The following AKT1 variants were observed in gnomAD, a reference collection of about 807,000 sequenced individuals.
AKT1 encodes RAC-alpha serine/threonine-protein kinase.
AKT1 carries 21 observed loss-of-function variants against 63.1 expected under a neutral mutation model. That is an observed-to-expected ratio of 0.33 (90% CI 0.24 to 0.48). AKT1 has a LOEUF of 0.48. Ranked by LOEUF, AKT1 falls within the 20% of genes least tolerant of loss-of-function variation. The pLI, the probability that AKT1 is intolerant of heterozygous loss-of-function variation, is 0.99. For missense variants in AKT1, 382 were observed against 666.0 expected (o/e 0.57, Z 4.69); for synonymous variants, 257 against 253.1 (o/e 1.02, Z -0.15).
intron 3 of AKT1, among the ~76,000 whole-genome samples, chr14:104,785,482 G>A (rs1566823580): frequency 1.3e-5 from 2 of 152,186 alleles, no homozygotes; most frequent in African/African-American, 2.4e-5. Context: ...ACAAGGAGAG[G>A]TGTCTGTTCC....
chr14:104,781,273 T>A (rs1309963105), intron 3 of AKT1, among the ~76,000 whole-genome samples: 2 of 151,512 alleles, frequency 1.3e-5, no homozygotes, highest in African/African-American at 4.9e-5. Flanking sequence ...GGGGTTGGGG[T>A]CCCTGAGCTC....
intron 3 of AKT1, among the ~76,000 whole-genome samples, chr14:104,786,020 C>T (rs368515140): frequency 9.2e-5 from 14 of 152,172 alleles, no homozygotes; most frequent in African/African-American, 2.2e-4. Flanking sequence ...CCCCTCGGGC[C>T]GGCAAAGGCA....
chr14:104,772,290 G>C, intron 13 of AKT1, 75 bp downstream of exon 13: 1 of 1,501,096 alleles, frequency 6.7e-7, no homozygotes, highest in African/African-American at 1.4e-5. Context: ...AATCTGGCGA[G>C]CGTGCCACGT....
chr14:104,790,016 CAGG>C (rs1893543835), intron 3 of AKT1, among the ~76,000 whole-genome samples: 1 of 152,228 alleles, frequency 6.6e-6, no homozygotes, highest in Non-Finnish European at 1.5e-5. Flanking sequence ...TCCCAAGGAG[CAGG>C]AGAAGGAGCC....
rs1290946978 is a variant in AKT1, at chr14:104,795,138, G to A, written c.-258+346C>T. 1 of 151,958 alleles carries A rather than the reference G, an allele frequency of 6.6e-6. No homozygotes were observed. Among genetic ancestry groups the A allele is most frequent in the Non-Finnish European group, 1.5e-5 (1 of 67,938 alleles). The allele number at this position is 151,958 out of a possible 1,614,324, so 9.4% of individuals were successfully genotyped here. A position where few individuals can be genotyped will look rare whatever the true frequency, so the allele number is the denominator to read the frequency against. ...GCTGCCTCGCTGGCCCAGCGCCCGG[G>A]GAGCCCCACGGCCCGCAGGGGCACC... On this transcript the variant is annotated intron_variant, in intron 1 of 14. Coordinates refer to ENST00000649815, the MANE Select transcript of AKT1 (RefSeq NM_001382430.1). The surrounding 1 kb of genome is among the most constrained non-coding windows in gnomAD (Gnocchi z 5.1).
intron 3 of AKT1, among the ~76,000 whole-genome samples, chr14:104,788,192 A>G (rs1163221890): frequency 6.6e-6 from 1 of 152,062 alleles, no homozygotes; most frequent in Non-Finnish European, 1.5e-5. Context: ...CGGGTCTCAC[A>G]CTGAAGCCAC....
chr14:104,772,577 G>A (rs911805870), intron 12 of AKT1, 125 bp from the exon 13 acceptor site: 25 of 957,054 alleles, frequency 2.6e-5, no homozygotes, highest in East Asian at 5.2e-5. Context: ...GAGGGGAGCC[G>A]GTGGTGCAGC....
rs1197117739 is a variant in AKT1 at position 104,769,925 on chromosome 14, G to A, written c.*416C>T. ...TCTGGTGCCACCAGGTTGAACTGAG[G>A]CCCAGGGCCCCAGAGAGATGACAGA... On this transcript the variant is annotated 3_prime_UTR_variant, in exon 15 of 15. Transcript: ENST00000649815. The A allele has an allele frequency of 2.5e-6, 1 of 402,442 alleles. No homozygotes were observed. Among genetic ancestry groups the A allele is most frequent in the Non-Finnish European group, 4.6e-6 (1 of 217,064 alleles). The allele number at this position is 402,442 out of a possible 1,614,324, so 24.9% of individuals were successfully genotyped here. A position where few individuals can be genotyped will look rare whatever the true frequency, so the allele number is the denominator to read the frequency against.
At chr14:104,783,141 A>G (rs1893153037) in intron 3 of AKT1, among the ~76,000 whole-genome samples, 1 of 152,046 alleles carries the variant, frequency 6.6e-6, no homozygotes. Context: ...GGAGGGTGGG[A>G]GCACAGACAC....
intron 3 of AKT1, among the ~76,000 whole-genome samples, chr14:104,780,696 G>A (rs1892982138): frequency 6.6e-6 from 1 of 151,598 alleles, no homozygotes; most frequent in African/African-American, 2.4e-5. Flanking sequence ...GGCTTGTGTG[G>A]GCTGCCCAGC....
chr14:104,790,298 G>A lies in AKT1; in HGVS notation c.46+2300C>T, dbSNP rs61995961. Among the ~76,000 whole-genome samples, 495 of 152,286 alleles carry A rather than the reference G, an allele frequency of 3.3e-3. 1 individual carries two copies. The highest frequency in any genetic ancestry group is 3.6e-3 in the Non-Finnish European group (247 of 68,006). ...AGGCTGGGGGGGAGTGGAACAGGGCGTCTGCAAGGGGCTGCGGCCGGGCCT... is the reference window on the plus strand; with the variant it reads ...AGGCTGGGGGGGAGTGGAACAGGGCATCTGCAAGGGGCTGCGGCCGGGCCT... On this transcript the variant is annotated intron_variant, in intron 3 of 14. Transcript: ENST00000649815.
At chr14:104,774,855 A>G in intron 8 of AKT1, 83 bp downstream of exon 8, 1 of 1,460,032 alleles carries the variant, frequency 6.8e-7, no homozygotes, top group Non-Finnish European at 9.3e-7. Context: ...GTGCCCAAGA[A>G]GACAGGACAT....
chr14:104,779,613 C>CA (rs1363489167), intron 4 of AKT1, among the ~76,000 whole-genome samples: 2 of 152,168 alleles, frequency 1.3e-5, no homozygotes, highest in South Asian at 2.1e-4. Context: ...CCTTGGGACT[C>CA]GGCCCAGAGA....
chr14:104,774,867 G>A (rs1453216591), intron 8 of AKT1, 71 bp downstream of exon 8: 43 of 1,506,804 alleles, frequency 2.9e-5, no homozygotes, highest in Middle Eastern at 2.2e-4. Flanking sequence ...ACAGGACATC[G>A]TCCCCTAGAG....
chr14:104,769,555 G>C lies in AKT1; in HGVS notation c.*786C>G, dbSNP rs762049014. ...TGGGGCGACAGCGGAAAGGTTAAGC[G>C]TCGAAAAGGTCAAGTGCTACCGTGG... On this transcript the variant is annotated 3_prime_UTR_variant, in exon 15 of 15. Coordinates refer to ENST00000649815, the MANE Select transcript of AKT1 (RefSeq NM_001382430.1). 1.9e-6 allele frequency: 1 copy of C among 533,840 alleles called. No individual in the cohort carries two copies. Among genetic ancestry groups the C allele is most frequent in the South Asian group, 1.5e-5 (1 of 65,118 alleles). The allele number at this position is 533,840 out of a possible 1,614,324, so 33.1% of individuals were successfully genotyped here.
chr14:104,783,927 G>C (rs1022643869), intron 3 of AKT1, among the ~76,000 whole-genome samples: 1 of 152,222 alleles, frequency 6.6e-6, no homozygotes, highest in African/African-American at 2.4e-5. Context: ...AGTCCGGATG[G>C]GGGACCCCAC....
At chr14:104,774,060 T>TTGATACCACGTCGCC in intron 8 of AKT1, 80 bp from the exon 9 acceptor site, 2 of 1,371,492 alleles carry the variant, frequency 1.5e-6, no homozygotes, top group Admixed American at 1.9e-5. Context: ...ACCACGCTGC[T>TTGATACCACGTCGCC]TGATACCACG....
chr14:104,780,253 T>A (rs2140950521), intron 3 of AKT1, 37 bp from the exon 4 acceptor site: 1 of 1,606,296 alleles, frequency 6.2e-7, no homozygotes, highest in South Asian at 1.1e-5. Context: ...ACGCACACTC[T>A]ACCCGTCAGA....
chr14:104,773,702 G>A (rs1490893532), intron 9 of AKT1, 122 bp from the exon 10 acceptor site: 3 of 1,416,976 alleles, frequency 2.1e-6, no homozygotes, highest in Non-Finnish European at 2.9e-6. Context: ...CCACCAGAGG[G>A]CACGGGGGCC....
Sources: allele counts gnomAD v4.1 joint callset (sites outside exome capture counted in the v4.1 genomes callset), GRCh38; gene constraint gnomAD v4.1.1; non-coding constraint Gnocchi (gnomAD v3.1); transcripts MANE v1.5; gene names NCBI Gene and HGNC (gene_info 2026-07-23, HGNC 2026-07-21).